Variants in KCNIP4 observed in about 807,000 individuals in gnomAD.
KCNIP4 encodes Kv channel-interacting protein 4.
Under a neutral mutation model 34.0 loss-of-function variants are expected in KCNIP4, and 12 were observed. The observed-to-expected ratio is 0.35, with a 90% confidence interval of 0.23 to 0.57. The LOEUF (loss-of-function observed/expected upper bound fraction) is 0.57, where lower values mean the gene tolerates loss of function less well. Ranked by LOEUF, KCNIP4 falls within the 20% of genes least tolerant of loss-of-function variation. The pLI, the probability that KCNIP4 is intolerant of heterozygous loss-of-function variation, is 0.83. For missense variants in KCNIP4, 238 were observed against 311.7 expected (o/e 0.76, Z 1.78); for synonymous variants, 124 against 102.2 (o/e 1.21, Z -1.29).
chr4:20,938,111 T>C (rs977268348), intron 1 of KCNIP4, among the ~76,000 whole-genome samples: 2 of 152,124 alleles, frequency 1.3e-5, no homozygotes, highest in African/African-American at 4.8e-5. Context: ...ACAGAGCTAA[T>C]GAAACTGTCA....
At chr4:21,669,121 C>CTCCT (rs1030188917) in intron 1 of KCNIP4, among the ~76,000 whole-genome samples, 22 of 151,586 alleles carry the variant, frequency 1.5e-4, no homozygotes, top group African/African-American at 4.8e-4. Flanking sequence ...TTTTCCCTGC[C>CTCCT]TCCCTCCCTC....
intron 1 of KCNIP4, among the ~76,000 whole-genome samples, chr4:21,904,245 T>C (rs908515928): frequency 1.3e-5 from 2 of 152,156 alleles, no homozygotes; most frequent in Non-Finnish European, 2.9e-5. Context: ...AAGAATCAAA[T>C]AGGTTCTAGA....
chr4:21,702,891 G>T (rs1443234017), intron 1 of KCNIP4, among the ~76,000 whole-genome samples: 2 of 151,802 alleles, frequency 1.3e-5, no homozygotes, highest in South Asian at 2.1e-4. Flanking sequence ...TATATAAAAA[G>T]AAATATATAT....
intron 1 of KCNIP4, among the ~76,000 whole-genome samples, chr4:21,493,956 C>A (rs1266534893): frequency 6.6e-6 from 1 of 152,184 alleles, no homozygotes; most frequent in African/African-American, 2.4e-5. Flanking sequence ...ATTTTCCATC[C>A]TATTACAGTT....
chr4:21,863,260 A>ATTT (rs34972685), intron 1 of KCNIP4, among the ~76,000 whole-genome samples: 17,718 of 141,626 alleles, frequency 0.13, 1,370 homozygotes, highest in Middle Eastern at 0.17. Context: ...CACGGATTGA[A>ATTT]TTTTTTTTTT....
At chr4:21,117,297 TGCCGGGGG>T (rs1410715088) in intron 1 of KCNIP4, among the ~76,000 whole-genome samples, 2 of 4,126 alleles carry the variant, frequency 4.8e-4, no homozygotes, top group African/African-American at 7.8e-4. Flanking sequence ...TGGCCGGGGT[TGCCGGGGG>T]GGGGGGGGGG....
intron 3 of KCNIP4, among the ~76,000 whole-genome samples, chr4:20,825,723 G>A (rs1172192711): frequency 6.6e-6 from 1 of 152,200 alleles, no homozygotes; most frequent in African/African-American, 2.4e-5. Context: ...TGGGAGATGA[G>A]TCATGAACAT....
At chr4:21,433,681 C>G (rs1029243579) in intron 1 of KCNIP4, among the ~76,000 whole-genome samples, 2 of 152,222 alleles carry the variant, frequency 1.3e-5, no homozygotes, top group Middle Eastern at 6.8e-3. Context: ...ATTATCTTCT[C>G]TTCTCAATCA....
intron 1 of KCNIP4, among the ~76,000 whole-genome samples, chr4:21,650,816 A>T (rs1181781115): frequency 6.6e-6 from 1 of 152,148 alleles, no homozygotes; most frequent in Admixed American, 6.6e-5. Context: ...TTCCATCTGG[A>T]GTTTGGGGGT....
At chr4:21,566,509 T>C (rs539589143) in intron 1 of KCNIP4, among the ~76,000 whole-genome samples, 1 of 152,216 alleles carries the variant, frequency 6.6e-6, no homozygotes, top group East Asian at 1.9e-4. Context: ...ATGTAAGACA[T>C]GTCTGCTTCC....
chr4:21,535,591 G>A (rs945735898), intron 1 of KCNIP4, among the ~76,000 whole-genome samples: 3 of 151,958 alleles, frequency 2.0e-5, no homozygotes, highest in Non-Finnish European at 2.9e-5. Context: ...TTTGATTTGC[G>A]GCATTTCAGA....
intron 1 of KCNIP4, among the ~76,000 whole-genome samples, chr4:21,937,931 T>C (rs1426082127): frequency 6.6e-6 from 1 of 152,134 alleles, no homozygotes; most frequent in African/African-American, 2.4e-5. Flanking sequence ...GGTCATGCTG[T>C]GCTCTTGATT....
At chr4:21,464,384 G>A (rs550088782) in intron 1 of KCNIP4, among the ~76,000 whole-genome samples, 54 of 151,698 alleles carry the variant, frequency 3.6e-4, no homozygotes, top group African/African-American at 1.1e-3. Flanking sequence ...ATAATTTTTC[G>A]TATGTTTTAT....
intron 3 of KCNIP4, among the ~76,000 whole-genome samples, chr4:20,823,808 A>G (rs1046591627): frequency 6.6e-6 from 1 of 152,200 alleles, no homozygotes; most frequent in Non-Finnish European, 1.5e-5. Context: ...ATGGACTGAT[A>G]ATGGTGAGAC....
intron 1 of KCNIP4, among the ~76,000 whole-genome samples, chr4:21,670,847 G>A (rs1397260912): frequency 1.3e-5 from 2 of 151,976 alleles, no homozygotes; most frequent in African/African-American, 4.8e-5. Flanking sequence ...TAGTAGAGAC[G>A]GGGTTTCACT....
chr4:21,109,313 C>G (rs924697766), intron 1 of KCNIP4, among the ~76,000 whole-genome samples: 2 of 152,234 alleles, frequency 1.3e-5, no homozygotes, highest in African/African-American at 4.8e-5. Context: ...TGGCAGGCGC[C>G]CCTCCCCCAG....
chr4:20,784,099 A>C (rs1310119499), intron 3 of KCNIP4, among the ~76,000 whole-genome samples: 1 of 152,200 alleles, frequency 6.6e-6, no homozygotes, highest in South Asian at 2.1e-4. Context: ...GTCCTAAAAC[A>C]ATATAAGTCT....
At chr4:20,807,404 G>A (rs1715222717) in intron 3 of KCNIP4, among the ~76,000 whole-genome samples, 1 of 152,054 alleles carries the variant, frequency 6.6e-6, no homozygotes, top group African/African-American at 2.4e-5. Context: ...TACAAGAGGG[G>A]TTGGCAAACT....
chr4:21,099,618 A>C (rs775792134), intron 1 of KCNIP4, among the ~76,000 whole-genome samples: 2 of 152,176 alleles, frequency 1.3e-5, no homozygotes, highest in African/African-American at 2.4e-5. Flanking sequence ...GAACTTAAAA[A>C]AGTTGAGGGG....
Sources: gnomAD v4.1 joint callset for allele counts (sites outside exome capture counted in the v4.1 genomes callset) on GRCh38, gnomAD v4.1.1 for gene constraint, MANE v1.5 for transcripts, NCBI Gene and HGNC (gene_info 2026-07-23, HGNC 2026-07-21) for gene names.